SLC33A2: variants seen among roughly 807,000 people sequenced by gnomAD.
SLC33A2 encodes the protein solute carrier family 33 member 2.
At chr8:144,509,174 G>GAGAA in the SLC33A2 span, 1 of 670,116 alleles carries the variant, frequency 1.5e-6, no homozygotes, top group Non-Finnish European at 2.3e-6. Flanking sequence ...AAGCCCGAGA[G>GAGAA]CACGTGTCCA....
At chr8:144,510,333 G>T in the SLC33A2 span, 1 of 1,609,782 alleles carries the variant, frequency 6.2e-7, no homozygotes, top group Non-Finnish European at 8.5e-7. Flanking sequence ...GGAACCTCCC[G>T]TGCTCATGCC....
At chr8:144,510,982 C>T in the SLC33A2 span, 1 of 1,599,914 alleles carries the variant, frequency 6.3e-7, no homozygotes, top group Non-Finnish European at 8.5e-7. Context: ...TGACCCCCAC[C>T]CCCCTCAGGC....
the SLC33A2 span, chr8:144,509,098 C>T: frequency 2.0e-5 from 9 of 443,228 alleles, no homozygotes; most frequent in East Asian, 1.8e-4. Flanking sequence ...CGCCGGCCGC[C>T]GGTGTCCGGA....
At chr8:144,510,641 G>A in the SLC33A2 span, 1,039 of 1,561,866 alleles carry the variant, frequency 6.7e-4, 3 homozygotes, top group East Asian at 0.019. Flanking sequence ...CTTCCGCCTC[G>A]GGGGCCTAGC....
At chr8:144,510,136 C>T in the SLC33A2 span, 1 of 1,345,684 alleles carries the variant, frequency 7.4e-7, no homozygotes, top group South Asian at 1.4e-5. Context: ...ACCTGCAAGA[C>T]TTGGCCCTGA....
At chr8:144,510,981 C>G in the SLC33A2 span, 3 of 1,599,666 alleles carry the variant, frequency 1.9e-6, no homozygotes, top group South Asian at 1.1e-5. Context: ...GTGACCCCCA[C>G]CCCCCTCAGG....
chr8:144,509,548 G>T, the SLC33A2 span: 10 of 1,519,572 alleles, frequency 6.6e-6, no homozygotes, highest in Non-Finnish European at 7.9e-6. Flanking sequence ...TGGGTGACGC[G>T]CAGCACGGCG....
chr8:144,511,106 T>C, the SLC33A2 span: 1 of 1,610,300 alleles, frequency 6.2e-7, no homozygotes. Flanking sequence ...TTGCTCCTGC[T>C]CATCCTCTCT....
At chr8:144,511,169 A>G in the SLC33A2 span, 2 of 1,606,766 alleles carry the variant, frequency 1.2e-6, no homozygotes, top group Non-Finnish European at 8.5e-7. Context: ...CTCTGAGCTG[A>G]GTGGCTGGAG....
chr8:144,510,230 A>G, the SLC33A2 span: 1 of 1,441,502 alleles, frequency 6.9e-7, no homozygotes, highest in Non-Finnish European at 9.3e-7. Context: ...GGGCTGCCCC[A>G]CTTCTCCCCC....
the SLC33A2 span, chr8:144,509,697 C>T: frequency 1.2e-4 from 191 of 1,564,626 alleles, 2 homozygotes; most frequent in African/African-American, 2.4e-3. Context: ...CCTGGACGCG[C>T]TGGCTGTGCA....
the SLC33A2 span, chr8:144,509,659 A>G: frequency 1.3e-6 from 2 of 1,550,456 alleles, no homozygotes; most frequent in Admixed American, 1.9e-5. Context: ...CTGTTGTTGA[A>G]CCTGGGTGCC....
chr8:144,509,724 G>C, the SLC33A2 span: 8 of 1,568,304 alleles, frequency 5.1e-6, no homozygotes, highest in Non-Finnish European at 6.0e-6. Context: ...GGAGCCGGCC[G>C]AACTGGGGCC....
At chr8:144,510,932 A>T in the SLC33A2 span, 1 of 1,600,708 alleles carries the variant, frequency 6.2e-7, no homozygotes, top group Non-Finnish European at 8.5e-7. Context: ...GACACAAGAG[A>T]GACCACGGGG....
At chr8:144,509,694 G>A in the SLC33A2 span, 1 of 1,563,234 alleles carries the variant, frequency 6.4e-7, no homozygotes, top group Non-Finnish European at 8.6e-7. Context: ...GGCCCTGGAC[G>A]CGCTGGCTGT....
chr8:144,509,337 C>G, the SLC33A2 span: 2 of 1,464,342 alleles, frequency 1.4e-6, no homozygotes, highest in Non-Finnish European at 1.8e-6. Flanking sequence ...AGCCGCCATG[C>G]GCGGGAAGTT....
At chr8:144,510,436 G>A in the SLC33A2 span, 2 of 1,612,912 alleles carry the variant, frequency 1.2e-6, no homozygotes, top group African/African-American at 1.3e-5. Context: ...TGGGACTGTG[G>A]AATGGTGTGG....
chr8:144,510,337 T>C, the SLC33A2 span: 2 of 1,610,364 alleles, frequency 1.2e-6, no homozygotes, highest in Non-Finnish European at 1.7e-6. Context: ...CCTCCCGTGC[T>C]CATGCCCCCC....
chr8:144,510,973 G>A, the SLC33A2 span: 2 of 1,599,514 alleles, frequency 1.3e-6, no homozygotes, highest in East Asian at 4.5e-5. Flanking sequence ...CCTTGACCGT[G>A]ACCCCCACCC....
Sources: allele counts gnomAD v4.1 joint callset, GRCh38; gene constraint gnomAD v4.1.1; transcripts MANE v1.5; gene names NCBI Gene and HGNC (gene_info 2026-07-23, HGNC 2026-07-21).